The following BANK1 variants were observed in gnomAD, a reference collection of about 807,000 sequenced individuals.
BANK1 encodes B-cell scaffold protein with ankyrin repeats.
In BANK1, 95 loss-of-function variants were observed where a neutral mutation model predicts 94.5. The observed-to-expected ratio is 1.00, with a 90% confidence interval of 0.85 to 1.19. BANK1 has a LOEUF of 1.19. BANK1 is among the 50% of genes most tolerant of loss of function. BANK1 has a pLI of 0.00. For missense variants in BANK1, 987 were observed against 932.2 expected (o/e 1.06, Z -0.77); for synonymous variants, 334 against 308.4 (o/e 1.08, Z -0.87).
chr4:102,008,519 C>T (rs1437121807), intron 7 of BANK1, among the ~76,000 whole-genome samples: 1 of 152,044 alleles, frequency 6.6e-6, no homozygotes, highest in Non-Finnish European at 1.5e-5. Flanking sequence ...CATCTAGTGA[C>T]CATGAACAAA....
intron 7 of BANK1, among the ~76,000 whole-genome samples, chr4:101,927,425 A>C (rs1422455452): frequency 6.6e-6 from 1 of 151,688 alleles, no homozygotes; most frequent in Non-Finnish European, 1.5e-5. Flanking sequence ...AAACCATATC[A>C]GGCATCATAT....
At chr4:101,912,576 A>C (rs1342833674) in intron 6 of BANK1, among the ~76,000 whole-genome samples, 1 of 148,576 alleles carries the variant, frequency 6.7e-6, no homozygotes, top group African/African-American at 2.4e-5. Context: ...ATATATATAA[A>C]ATATGTATTG....
At chr4:101,946,430 C>A (rs955591861) in intron 7 of BANK1, among the ~76,000 whole-genome samples, 1 of 151,952 alleles carries the variant, frequency 6.6e-6, no homozygotes, top group Non-Finnish European at 1.5e-5. Flanking sequence ...AGAGAAAGTT[C>A]TTTACCTATG....
At chr4:101,921,007 C>A (rs146268302) in intron 7 of BANK1, among the ~76,000 whole-genome samples, 153 of 151,542 alleles carry the variant, frequency 1.0e-3, no homozygotes, top group African/African-American at 3.5e-3. Flanking sequence ...AAGAAGGGGG[C>A]CTGAAATCAC....
rs1448365276 is a variant in BANK1 at position 101,808,669 on chromosome 4, A to G, written c.70+17719A>G. Among the ~76,000 whole-genome samples, 9 of 152,278 alleles carry G rather than the reference A, an allele frequency of 5.9e-5. No homozygotes were observed. The East Asian group carries it at 1.7e-3, about 29-fold the overall frequency. On this transcript the variant is annotated intron_variant, in intron 1 of 16. Transcript: ENST00000322953. ...AACTCAAATCAGCAAGAAAAAAAAA[A>G]ATCCCATCAAAAAGGGGGCAAAGGA...
chr4:102,009,311 A>G (rs1243708150), intron 7 of BANK1, among the ~76,000 whole-genome samples: 1 of 152,100 alleles, frequency 6.6e-6, no homozygotes, highest in Non-Finnish European at 1.5e-5. Flanking sequence ...CCTCTAGTCA[A>G]TCTGGCCGAC....
chr4:101,948,414 A>G (rs1477870062), intron 7 of BANK1, among the ~76,000 whole-genome samples: 2 of 152,122 alleles, frequency 1.3e-5, no homozygotes, highest in Non-Finnish European at 2.9e-5. Context: ...AAATTTCCTA[A>G]TTGACACTCA....
chr4:101,943,857 T>C (rs1420426715), intron 7 of BANK1, among the ~76,000 whole-genome samples: 1 of 151,974 alleles, frequency 6.6e-6, no homozygotes, highest in Admixed American at 6.6e-5. Flanking sequence ...ATTTGAATAC[T>C]ACTTGACGGT....
intron 11 of BANK1, among the ~76,000 whole-genome samples, chr4:102,047,178 C>T (rs1349090979): frequency 1.3e-5 from 2 of 152,102 alleles, no homozygotes; most frequent in Admixed American, 6.6e-5. Context: ...ATGAATCATC[C>T]TTCAAACAAG....
intron 10 of BANK1, among the ~76,000 whole-genome samples, chr4:102,038,599 G>A (rs539286154): frequency 2.0e-5 from 3 of 152,240 alleles, no homozygotes; most frequent in Admixed American, 2.0e-4. Flanking sequence ...ACCCAGTGGT[G>A]ACTGGAGGTT....
intron 7 of BANK1, among the ~76,000 whole-genome samples, chr4:101,926,318 A>C (rs1484508378): frequency 6.6e-6 from 1 of 151,682 alleles, no homozygotes; most frequent in African/African-American, 2.4e-5. Flanking sequence ...TCTTTGTGAT[A>C]TATATATAGA....
chr4:101,933,835 T>C (rs573511949), intron 7 of BANK1, among the ~76,000 whole-genome samples: 4 of 151,588 alleles, frequency 2.6e-5, no homozygotes, highest in Non-Finnish European at 5.9e-5. Flanking sequence ...ACCGAACTGA[T>C]AGTGCCCTAA....
rs759403219 is a variant in BANK1, at chr4:101,959,795, G to A, written c.1206+41606G>A. On this transcript the variant is annotated intron_variant, in intron 7 of 16. Transcript: ENST00000322953. ...TTCATCTGTCATGAGCTACGTTGACGAGAAGAAATTGTTTGTGGCTAAACT... is the reference window on the plus strand; with the variant it reads ...TTCATCTGTCATGAGCTACGTTGACAAGAAGAAATTGTTTGTGGCTAAACT... Among the ~76,000 whole-genome samples the A allele has an allele frequency of 4.6e-5, 7 of 152,270 alleles. No individual in the cohort carries two copies. In the East Asian group the frequency reaches 7.7e-4, roughly 17 times the overall value.
At chr4:101,969,692 A>G (rs1197618123) in intron 7 of BANK1, among the ~76,000 whole-genome samples, 1 of 152,084 alleles carries the variant, frequency 6.6e-6, no homozygotes. Context: ...ACATGTGCAG[A>G]TGATGTCTAG....
Position 102,043,924 on chromosome 4 carries a change from C to T in BANK1, c.1969+17C>T, listed in dbSNP as rs1395627690. The T allele has an allele frequency of 1.4e-6, 2 of 1,465,714 alleles. No homozygotes were observed. The highest frequency in any genetic ancestry group is 1.2e-5 in the South Asian group (1 of 84,952). 90.8% of individuals were successfully genotyped at this position (1,465,714 alleles called of 1,614,324 possible). On this transcript the variant is annotated intron_variant, in intron 11 of 16. Transcript: ENST00000322953. ...AGAAACAAGGTACTAACACTAACTT[C>T]AATCTATTTAGTAATCTCTAGGTAA...
At chr4:101,873,525 G>A (rs551392427) in intron 5 of BANK1, among the ~76,000 whole-genome samples, 6 of 152,186 alleles carry the variant, frequency 3.9e-5, no homozygotes, top group South Asian at 2.1e-4. Flanking sequence ...AAAAAACTGC[G>A]CATATAGCAA....
chr4:101,936,659 T>G (rs1475617386), intron 7 of BANK1, among the ~76,000 whole-genome samples: 1 of 151,288 alleles, frequency 6.6e-6, no homozygotes, highest in Non-Finnish European at 1.5e-5. Context: ...AAGATTTGAA[T>G]AGCGACTCCT....
chr4:102,001,474 C>T (rs1726070154), intron 7 of BANK1, among the ~76,000 whole-genome samples: 2 of 152,126 alleles, frequency 1.3e-5, no homozygotes, highest in African/African-American at 4.8e-5. Flanking sequence ...GTGGCACACG[C>T]CTGTAGTCCC....
intron 7 of BANK1, among the ~76,000 whole-genome samples, chr4:102,007,144 T>TATATATATATATATA (rs1553940695): frequency 3.6e-5 from 3 of 83,924 alleles, no homozygotes; most frequent in South Asian, 2.9e-4. Flanking sequence ...AAAAAATATA[T>TATATATATATATATA]TTTATATATA....
Sources: gnomAD v4.1 joint callset for allele counts (sites outside exome capture counted in the v4.1 genomes callset) on GRCh38, gnomAD v4.1.1 for gene constraint, MANE v1.5 for transcripts, NCBI Gene and HGNC (gene_info 2026-07-23, HGNC 2026-07-21) for gene names.